The following FCRL5 variants were observed in gnomAD, a reference collection of about 807,000 sequenced individuals.
The protein encoded by FCRL5 is Fc receptor like 5.
FCRL5 carries 79 observed loss-of-function variants against 92.1 expected under a neutral mutation model. The ratio of observed to expected loss-of-function variants is 0.86; its 90% confidence interval spans 0.72 to 1.03. The LOEUF (loss-of-function observed/expected upper bound fraction) is 1.03, where lower values mean the gene tolerates loss of function less well. Among genes scored for constraint, FCRL5 ranks in the 50% least tolerant of loss-of-function variants. The probability of loss-of-function intolerance (pLI) is 0.00; values close to 1 mark genes in which losing one functional copy is unlikely to be tolerated. For synonymous variants in FCRL5, 466 were observed against 469.3 expected (o/e 0.99, Z 0.09); for missense variants, 1,160 against 1,181.1 (o/e 0.98, Z 0.26).
intron 7 of FCRL5, among the ~76,000 whole-genome samples, chr1:157,535,959 T>TTTTTTTTTTTTTTA (rs1558135559): frequency 6.7e-6 from 1 of 148,670 alleles, no homozygotes. Context: ...TTTTTTTTTT[T>TTTTTTTTTTTTTTA]GAGATGGAGT....
intron 8 of FCRL5, chr1:157,534,394 C>T (rs1558134366): frequency 1.4e-6 from 1 of 719,626 alleles, no homozygotes; most frequent in Admixed American, 2.0e-5. Context: ...TAAATAAATT[C>T]ATTTGGTAAA....
rs373506837 is a variant in FCRL5 at position 157,527,679 on chromosome 1, G to A, written c.1898C>T (p.Ser633Leu). Residue 633 changes from serine (S) to leucine (L), a missense_variant, in exon 9 of 17, where the codon TCA (serine) becomes TTA (leucine). Coordinates refer to ENST00000361835, the MANE Select transcript of FCRL5 (RefSeq NM_031281.3). ...CACTAGGCCATTGTTGGCCTCACAT[G>A]AGTAGTTTCCAGAATGTTCTGCAGT... ...SLTAEHSGNY[S>L]CEANNGLVAQ... 4.3e-5 allele frequency: 69 copies of A among 1,614,160 alleles called. No individual in the cohort carries two copies. The Middle Eastern group carries it at 6.6e-4, about 15-fold the overall frequency.
rs1651437721 is a variant in FCRL5, at chr1:157,544,541, A to G, written c.565T>C (p.Phe189Leu). The G allele has an allele frequency of 6.2e-7, 1 of 1,613,662 alleles. No homozygotes were observed. The highest frequency in any genetic ancestry group is 8.5e-7 in the Non-Finnish European group (1 of 1,179,922). Residue 189 changes from phenylalanine (F) to leucine (L), a missense_variant, in exon 5 of 17, where the codon TTT (phenylalanine) becomes CTT (leucine). Transcript: ENST00000361835. ...NTVKIQVQEP[F>L]TRPVLRASSF... Reference sequence around the variant, plus strand: ...CTGGCTCTCAGCACTGGACGTGTAAATGGCTCTAGAGAGAAGAATCACAAC... The same window carrying G: ...CTGGCTCTCAGCACTGGACGTGTAAGTGGCTCTAGAGAGAAGAATCACAAC...
At position 157,534,595 on chromosome 1, in the gene FCRL5, G is replaced by C; in HGVS notation, c.1681+19C>G. The C allele has an allele frequency of 4.3e-6, 7 of 1,614,062 alleles. No individual in the cohort carries two copies. Among genetic ancestry groups the C allele is most frequent in the Middle Eastern group, 1.6e-4 (1 of 6,062 alleles). The stretch of plus-strand genomic sequence containing the variant: ...GAACTCAGCCAGGGGTGGGTGACTG[G>C]CAAGAACCCAGCACTTACCAGTGAC... On this transcript the variant is annotated intron_variant, in intron 8 of 16. Coordinates refer to ENST00000361835, the MANE Select transcript of FCRL5 (RefSeq NM_031281.3).
intron 8 of FCRL5, among the ~76,000 whole-genome samples, chr1:157,530,815 A>G (rs1189963073): frequency 6.6e-6 from 1 of 152,216 alleles, no homozygotes; most frequent in Non-Finnish European, 1.5e-5. Flanking sequence ...ATTTTTGTAT[A>G]TTTACACATG....
intron 1 of FCRL5, among the ~76,000 whole-genome samples, chr1:157,549,793 A>G (rs1212984971): frequency 6.6e-6 from 1 of 152,156 alleles, no homozygotes; most frequent in Non-Finnish European, 1.5e-5. Context: ...TCTACAATGA[A>G]TTTTAAAAAT....
chr1:157,515,629 C>A lies in FCRL5; in HGVS notation c.*46G>T, dbSNP rs373026320. 14 of 1,614,118 alleles carry A rather than the reference C, an allele frequency of 8.7e-6. 1 individual carries two copies. In the South Asian group the frequency reaches 1.4e-4, roughly 16 times the overall value. On this transcript the variant is annotated 3_prime_UTR_variant, in exon 17 of 17. Transcript: ENST00000361835. ...AATGCTGCTTCTCCCCCAAGGGGAA[C>A]TTTGGGGTGCAGAGGCTGAAACAGC...
intron 6 of FCRL5, chr1:157,542,061 G>GGTATTATT (rs951175705): frequency 6.6e-6 from 1 of 152,244 alleles, no homozygotes; most frequent in Non-Finnish European, 1.5e-5. Context: ...CTTCCAAGCT[G>GGTATTATT]GTATTATTGT....
At chr1:157,545,889 G>A (rs1651513042) in intron 3 of FCRL5, among the ~76,000 whole-genome samples, 2 of 152,122 alleles carry the variant, frequency 1.3e-5, no homozygotes, top group South Asian at 2.1e-4. Flanking sequence ...ATCTGTGATT[G>A]TTTCAGTAGG....
intron 10 of FCRL5, chr1:157,522,926 G>A (rs1650264576): frequency 6.6e-6 from 1 of 152,334 alleles, no homozygotes; most frequent in South Asian, 2.1e-4. Flanking sequence ...GGCTCTAAGG[G>A]ATAGGTGTGT....
Position 157,552,435 on chromosome 1 carries a change from C to G in FCRL5, c.-73G>C. ...ATTCCAAAACAGGTTTGGACTTGAT[C>G]TTACAGTCAGGACACTGCACACCAG... On this transcript the variant is annotated 5_prime_UTR_variant, in exon 1 of 17. Transcript: ENST00000361835. 1 of 1,528,856 alleles carries G rather than the reference C, an allele frequency of 6.5e-7. No homozygotes were observed. Among genetic ancestry groups the G allele is most frequent in the Non-Finnish European group, 9.1e-7 (1 of 1,102,782 alleles). 94.7% of individuals were successfully genotyped at this position (1,528,856 alleles called of 1,614,324 possible). A position where few individuals can be genotyped will look rare whatever the true frequency, so the allele number is the denominator to read the frequency against.
At chr1:157,523,161 T>G (rs1190190214) in intron 10 of FCRL5, among the ~76,000 whole-genome samples, 1 of 152,228 alleles carries the variant, frequency 6.6e-6, no homozygotes, top group Non-Finnish European at 1.5e-5. Context: ...TTCCTTATGA[T>G]ACCCAGGCAC....
At chr1:157,529,353 T>A (rs889635092) in intron 8 of FCRL5, among the ~76,000 whole-genome samples, 4 of 152,228 alleles carry the variant, frequency 2.6e-5, no homozygotes, top group Non-Finnish European at 4.4e-5. Flanking sequence ...CTGGTGGGAA[T>A]GTAAACTATT....
At position 157,552,294 on chromosome 1, in the gene FCRL5, G is replaced by A. The variant is rs199901044; in HGVS notation, c.31+38C>T. The stretch of plus-strand genomic sequence containing the variant: ...CTGCGGTGGAGAGAGAAGCTGTCCC[G>A]ATCCCACCCAGGGCCCATGGTGAGC... On this transcript the variant is annotated intron_variant, in intron 1 of 16. Transcript: ENST00000361835. 1,282 of 1,609,942 alleles carry A rather than the reference G, an allele frequency of 8.0e-4. 4 individuals are homozygous for A. The highest frequency in any genetic ancestry group is 1.2e-3 in the Admixed American group (72 of 59,994).
intron 6 of FCRL5, among the ~76,000 whole-genome samples, 159 bp from the exon 7 acceptor site, chr1:157,539,523 T>A (rs1187999599): frequency 6.6e-6 from 1 of 152,256 alleles, no homozygotes; most frequent in Admixed American, 6.5e-5. Context: ...TATTCCTTAA[T>A]AAGATAACTT....
chr1:157,544,661 T>G, intron 4 of FCRL5, 115 bp from the exon 5 acceptor site: 2 of 1,423,406 alleles, frequency 1.4e-6, no homozygotes, highest in South Asian at 2.5e-5. Flanking sequence ...ATGCCATTGA[T>G]CCCTAGCTTC....
chr1:157,515,926 C>T (rs1360517367), intron 15 of FCRL5, 53 bp from the exon 16 acceptor site: 1 of 1,604,774 alleles, frequency 6.2e-7, no homozygotes, highest in South Asian at 1.1e-5. Flanking sequence ...GGGCTCTTCC[C>T]TTGTGCCTGC....
At position 157,547,148 on chromosome 1, in the gene FCRL5, G is replaced by A; in HGVS notation, c.102C>T (p.Val34=). 6.2e-7 allele frequency: 1 copy of A among 1,614,048 alleles called. No homozygotes were observed. The highest frequency in any genetic ancestry group is 8.5e-7 in the Non-Finnish European group (1 of 1,179,970). Reference sequence around the variant, plus strand: ...TGAGGGTCACTCTCTCTCCTTGGAAGACTGTGGTCCATGGAGGCTGGAGGA... The same window carrying A: ...TGAGGGTCACTCTCTCTCCTTGGAAAACTGTGGTCCATGGAGGCTGGAGGA... ...IIFLQPPWTT[V]FQGERVTLTC... is the part of the protein sequence containing the mutation. The change falls in exon 3 of 17, where the codon GTC becomes GTT. Residue 34 remains valine, a synonymous_variant. Transcript: ENST00000361835.
rs745559109 is a variant in FCRL5, at chr1:157,544,384, AG to A, written c.721del (p.Leu241SerfsTer57). The A allele has an allele frequency of 6.2e-7, 1 of 1,614,212 alleles. No homozygotes were observed. Among genetic ancestry groups the A allele is most frequent in the East Asian group, 2.2e-5 (1 of 44,876 alleles). ...DDQTLGLGWS[L>X]SPNFQITAMW... ...GGCAGTAATCTGGAAATTCGGGGAG[AG>A]ACTCCAGCCTAATCCCAGGGTCTGG... On this transcript the variant is annotated frameshift_variant, in exon 5 of 17. Coordinates refer to ENST00000361835, the MANE Select transcript of FCRL5 (RefSeq NM_031281.3). LOFTEE classifies it high-confidence loss of function.
Sources: gnomAD v4.1 joint callset for allele counts (sites outside exome capture counted in the v4.1 genomes callset) on GRCh38, gnomAD v4.1.1 for gene constraint, MANE v1.5 for transcripts, NCBI Gene and HGNC (gene_info 2026-07-23, HGNC 2026-07-21) for gene names.